The following LYPD6 variants were observed in gnomAD, a reference collection of about 807,000 sequenced individuals.
LYPD6 encodes the protein LY6/PLAUR domain containing 6.
In LYPD6, 15 loss-of-function variants were observed where a neutral mutation model predicts 22.7. The observed-to-expected ratio is 0.66, with a 90% CI of 0.44 to 1.02. LYPD6 has a LOEUF of 1.02. Ranked by LOEUF, LYPD6 falls within the 50% of genes least tolerant of loss-of-function variation. LYPD6 has a pLI of 0.00. For synonymous variants in LYPD6, 72 were observed against 77.5 expected, an observed-to-expected ratio of 0.93 and a Z score of 0.37; for missense variants, 189 against 208.4, an observed-to-expected ratio of 0.91 and a Z score of 0.57.
intron 3 of LYPD6, among the ~76,000 whole-genome samples, chr2:149,466,714 T>C (rs1336213130): frequency 2.1e-4 from 32 of 152,188 alleles, no homozygotes; most frequent in Admixed American, 2.1e-3. Context: ...GATAATTCAC[T>C]ACTTGGGGGA....
intron 1 of LYPD6, among the ~76,000 whole-genome samples, chr2:149,394,398 T>C (rs1021565583): frequency 6.6e-6 from 1 of 152,190 alleles, no homozygotes; most frequent in Non-Finnish European, 1.5e-5. Flanking sequence ...TGCCATGGGC[T>C]TTTACTCTCC....
chr2:149,447,873 T>C (rs1423706163), intron 2 of LYPD6, among the ~76,000 whole-genome samples: 1 of 152,214 alleles, frequency 6.6e-6, no homozygotes, highest in Non-Finnish European at 1.5e-5. Flanking sequence ...TGGTAGTTCA[T>C]GCCTATAATC....
chr2:149,433,466 T>C (rs1558806098), intron 1 of LYPD6, among the ~76,000 whole-genome samples: 1 of 152,200 alleles, frequency 6.6e-6, no homozygotes. Flanking sequence ...GGTATGGAGA[T>C]ATTGCCATAC....
the LYPD6 span, among the ~76,000 whole-genome samples, chr2:149,484,905 C>T: frequency 2.0e-4 from 31 of 152,154 alleles, no homozygotes; most frequent in Non-Finnish European, 4.0e-4. Flanking sequence ...CATGCCCAGA[C>T]CACACCAAAC....
intron 1 of LYPD6, among the ~76,000 whole-genome samples, chr2:149,335,594 T>C (rs1356187222): frequency 6.6e-6 from 1 of 152,150 alleles, no homozygotes; most frequent in African/African-American, 2.4e-5. Context: ...AAATGTAGTA[T>C]TTATAAAACC....
At chr2:149,416,510 G>T (rs997564406) in intron 1 of LYPD6, among the ~76,000 whole-genome samples, 15 of 152,136 alleles carry the variant, frequency 9.9e-5, no homozygotes, top group Non-Finnish European at 2.9e-5. Flanking sequence ...CTGCCATTTG[G>T]TCCCTGGACA....
chr2:149,342,615 G>A (rs909320157), intron 1 of LYPD6, among the ~76,000 whole-genome samples: 4 of 152,156 alleles, frequency 2.6e-5, no homozygotes, highest in African/African-American at 9.7e-5. Flanking sequence ...CTCCCATGTG[G>A]CCTCCTATTT....
chr2:149,477,412 C>T (rs1210512528), downstream of LYPD6, among the ~76,000 whole-genome samples: 1 of 152,016 alleles, frequency 6.6e-6, no homozygotes, highest in Admixed American at 6.5e-5. Context: ...CACCTGAGGT[C>T]AGGAGTTCGA....
chr2:149,349,154 A>G (rs1681314728), intron 1 of LYPD6, among the ~76,000 whole-genome samples: 1 of 152,168 alleles, frequency 6.6e-6, no homozygotes, highest in Non-Finnish European at 1.5e-5. Flanking sequence ...GGTTGGGAAT[A>G]TGAATATTAA....
At chr2:149,467,788 AGAG>A (rs1393588829) in intron 3 of LYPD6, among the ~76,000 whole-genome samples, 5 of 152,298 alleles carry the variant, frequency 3.3e-5, no homozygotes, top group Admixed American at 3.3e-4. Flanking sequence ...TCCCAGACTT[AGAG>A]AGCTGAACAT....
intron 1 of LYPD6, among the ~76,000 whole-genome samples, chr2:149,434,919 CA>C (rs200999823): frequency 1.3e-5 from 2 of 151,200 alleles, no homozygotes; most frequent in African/African-American, 4.8e-5. Flanking sequence ...ACCTAAAAAA[CA>C]AAACAACAAC....
chr2:149,441,904 T>C (rs2105155035), intron 2 of LYPD6, among the ~76,000 whole-genome samples: 1 of 152,298 alleles, frequency 6.6e-6, no homozygotes, highest in South Asian at 2.1e-4. Flanking sequence ...GTTTTGAATC[T>C]TTCCTTAATC....
At chr2:149,358,301 A>G (rs1044116303) in intron 1 of LYPD6, among the ~76,000 whole-genome samples, 10 of 152,156 alleles carry the variant, frequency 6.6e-5, no homozygotes, top group African/African-American at 2.4e-4. Flanking sequence ...TACCTCTGGG[A>G]ACCTAAAACA....
chr2:149,475,232 C>A (rs1237471857), downstream of LYPD6, among the ~76,000 whole-genome samples: 1 of 152,108 alleles, frequency 6.6e-6, no homozygotes, highest in Non-Finnish European at 1.5e-5. Flanking sequence ...CTTTAACTTA[C>A]CTACTAGGAG....
chr2:149,468,522 C>A, intron 3 of LYPD6, 123 bp from the exon 4 acceptor site: 1 of 1,074,504 alleles, frequency 9.3e-7, no homozygotes, highest in Non-Finnish European at 1.3e-6. Flanking sequence ...AAACTCAAAG[C>A]AGTGCACATC....
At chr2:149,332,019 T>A (rs79118700) in intron 1 of LYPD6, among the ~76,000 whole-genome samples, 2,981 of 152,346 alleles carry the variant, frequency 0.02, 96 homozygotes, top group African/African-American at 0.068. Flanking sequence ...CATTAATGGT[T>A]ACTGTATATG....
At chr2:149,353,988 T>C (rs1195109036) in intron 1 of LYPD6, among the ~76,000 whole-genome samples, 1 of 152,126 alleles carries the variant, frequency 6.6e-6, no homozygotes, top group Non-Finnish European at 1.5e-5. Flanking sequence ...AATTTAGCAG[T>C]GTGTGAAGTC....
At chr2:149,396,042 A>T (rs1054747577) in intron 1 of LYPD6, among the ~76,000 whole-genome samples, 5 of 152,202 alleles carry the variant, frequency 3.3e-5, no homozygotes, top group Admixed American at 2.6e-4. Context: ...GAATATTTAC[A>T]AATGAGATTG....
chr2:149,475,329 G>C (rs1000994496), downstream of LYPD6, among the ~76,000 whole-genome samples: 19 of 152,152 alleles, frequency 1.2e-4, no homozygotes, highest in South Asian at 2.1e-4. Context: ...ATTTTTCTAA[G>C]ATTGCACAGG....
Sources: allele counts gnomAD v4.1 joint callset (sites outside exome capture counted in the v4.1 genomes callset), GRCh38; gene constraint gnomAD v4.1.1; transcripts MANE v1.5; gene names NCBI Gene and HGNC (gene_info 2026-07-23, HGNC 2026-07-21).